AR: variants seen among roughly 807,000 people sequenced by gnomAD.
The protein encoded by AR is androgen receptor.
Under a neutral mutation model 53.9 loss-of-function variants are expected in AR, and 8 were observed. That is an observed-to-expected ratio of 0.15 (90% CI 0.09 to 0.27). The LOEUF is 0.27. Among genes scored for constraint, AR ranks in the 10% least tolerant of loss-of-function variants. AR has a pLI of 1.00. For synonymous variants in AR, 359 were observed against 316.4 expected (o/e 1.13, Z -1.43); for missense variants, 639 against 742.5 (o/e 0.86, Z 1.62).
chrX:67,574,784 A>C (rs1435778787), intron 1 of AR, among the ~76,000 whole-genome samples: 1 of 111,600 alleles, frequency 9.0e-6, no homozygotes, highest in Non-Finnish European at 1.9e-5. Context: ...CTTTTCATAG[A>C]GGTGTGGCAA....
intron 1 of AR, among the ~76,000 whole-genome samples, chrX:67,641,708 A>AT (rs1224467065): frequency 9.0e-6 from 1 of 111,125 alleles, no homozygotes; most frequent in Non-Finnish European, 1.9e-5. Flanking sequence ...AATCAGTAGA[A>AT]TTTTTTATTG....
intron 1 of AR, among the ~76,000 whole-genome samples, chrX:67,629,554 G>T (rs1251624928): frequency 2.7e-5 from 3 of 109,339 alleles, no homozygotes; most frequent in African/African-American, 1.0e-4. Flanking sequence ...CTTGCTAGCA[G>T]TCTATCAATT....
chrX:67,695,990 G>A (rs913431365), intron 3 of AR: 12 of 751,015 alleles, frequency 1.6e-5, no homozygotes, highest in Non-Finnish European at 1.9e-5. Flanking sequence ...AGGCTAATGA[G>A]GTTTATTTTT....
At chrX:67,680,717 C>G in intron 2 of AR, 1 of 330,685 alleles carries the variant, frequency 3.0e-6, no homozygotes, top group South Asian at 2.6e-5. Context: ...CTGTTCCAAA[C>G]AGGATTTTTC....
chrX:67,578,825 T>A (rs2147353295), intron 1 of AR, among the ~76,000 whole-genome samples: 1 of 112,162 alleles, frequency 8.9e-6, no homozygotes, highest in East Asian at 2.8e-4. Context: ...TTTGAACATT[T>A]ATATTCTGCT....
At chrX:67,589,823 C>T in intron 1 of AR, among the ~76,000 whole-genome samples, 1 of 111,703 alleles carries the variant, frequency 9.0e-6, no homozygotes, top group East Asian at 2.8e-4. Context: ...GGAGCCAAGC[C>T]TCAAGGGGAG....
chrX:67,656,935 C>A (rs1926620085), intron 2 of AR, among the ~76,000 whole-genome samples: 1 of 109,055 alleles, frequency 9.2e-6, no homozygotes, highest in African/African-American at 3.3e-5. Context: ...TGTGTGGAAA[C>A]AAAAATTAAA....
chrX:67,673,384 T>A (rs987029301), intron 2 of AR, among the ~76,000 whole-genome samples: 8 of 108,066 alleles, frequency 7.4e-5, no homozygotes, highest in African/African-American at 2.7e-4. Context: ...TCTCTCTCTC[T>A]CTCTCTCCTT....
In AR at chrX:67,589,677, G is replaced by A. The variant is rs1922733287; in HGVS notation, c.1616+42915G>A. Among the ~76,000 whole-genome samples the A allele has an allele frequency of 8.9e-5, 10 of 112,041 alleles. No individual in the cohort carries two copies. In the Admixed American group the frequency reaches 9.4e-4, roughly 11 times the overall value. On this transcript the variant is annotated intron_variant, in intron 1 of 7. Transcript: ENST00000374690. The stretch of plus-strand genomic sequence containing the variant: ...ATCACTGCCTGTGCTTTGTTAAAAA[G>A]AGAATTATAGGAGTCCTCTCAAGGC...
At chrX:67,719,127 C>A (rs1027014647) in intron 5 of AR, among the ~76,000 whole-genome samples, 1 of 111,515 alleles carries the variant, frequency 9.0e-6, no homozygotes, top group Non-Finnish European at 1.9e-5. Flanking sequence ...GGAGAGTGAG[C>A]GTCCCCAGCT....
intron 1 of AR, among the ~76,000 whole-genome samples, chrX:67,548,984 A>G (rs1437827754): frequency 8.9e-6 from 1 of 111,901 alleles, no homozygotes; most frequent in African/African-American, 3.2e-5. Flanking sequence ...AAGACTTTCC[A>G]TTTCTAGGAT....
intron 4 of AR, among the ~76,000 whole-genome samples, chrX:67,713,308 G>A (rs141542734): frequency 9.0e-6 from 1 of 110,790 alleles, no homozygotes; most frequent in Non-Finnish European, 1.9e-5. Flanking sequence ...TAAGAACACT[G>A]GGAAGGAAAC....
intron 1 of AR, among the ~76,000 whole-genome samples, chrX:67,618,264 T>C (rs1253767269): frequency 9.0e-6 from 1 of 111,177 alleles, no homozygotes; most frequent in Non-Finnish European, 1.9e-5. Flanking sequence ...AGAGATACTG[T>C]GATAGAATGG....
Position 67,544,861 on chromosome X carries a change from T to C in AR, c.-286T>C, listed in dbSNP as rs1196655426. 1 of 269,364 alleles carries C rather than the reference T, an allele frequency of 3.7e-6. No homozygotes were observed. Among genetic ancestry groups the C allele is most frequent in the Non-Finnish European group, 6.5e-6 (1 of 153,728 alleles). 22.2% of individuals were successfully genotyped at this position (269,364 alleles called of 1,213,427 possible). A position where few individuals can be genotyped will look rare whatever the true frequency, so the allele number is the denominator to read the frequency against. On this transcript the variant is annotated 5_prime_UTR_variant, in exon 1 of 8. Coordinates refer to ENST00000374690, the MANE Select transcript of AR (RefSeq NM_000044.6). Reference sequence around the variant, plus strand: ...GGTGGAGGATTTTGTTTTTTTCTTTTAAGATCTGGGCATCTTTTGAATCTA... The same window carrying C: ...GGTGGAGGATTTTGTTTTTTTCTTTCAAGATCTGGGCATCTTTTGAATCTA...
chrX:67,644,970 T>G (rs910392148), intron 2 of AR, among the ~76,000 whole-genome samples: 4 of 110,431 alleles, frequency 3.6e-5, no homozygotes, highest in African/African-American at 1.3e-4. Flanking sequence ...GAAATGAGGA[T>G]GGGTTCCAGA....
intron 1 of AR, among the ~76,000 whole-genome samples, chrX:67,628,522 T>A (rs1403224017): frequency 9.2e-6 from 1 of 108,634 alleles, no homozygotes; most frequent in Non-Finnish European, 1.9e-5. Flanking sequence ...CTTATCAGCT[T>A]AAGGAGATTT....
intron 1 of AR, among the ~76,000 whole-genome samples, chrX:67,631,640 C>T (rs993041124): frequency 2.7e-5 from 3 of 112,582 alleles, no homozygotes; most frequent in Non-Finnish European, 3.7e-5. Flanking sequence ...TCTCTCATCT[C>T]ATCAAAGTCA....
At chrX:67,609,663 C>G (rs992729084) in intron 1 of AR, among the ~76,000 whole-genome samples, 1 of 110,099 alleles carries the variant, frequency 9.1e-6, no homozygotes, top group Non-Finnish European at 1.9e-5. Flanking sequence ...GCACCTTTGC[C>G]CATTTATACT....
chrX:67,694,681 C>T (rs1002521113), intron 3 of AR: 22 of 1,152,242 alleles, frequency 1.9e-5, no homozygotes, highest in East Asian at 9.8e-5. Flanking sequence ...AGAAAAATTC[C>T]GGGTTGGCAA....
Sources: gnomAD v4.1 joint callset for allele counts (sites outside exome capture counted in the v4.1 genomes callset) on GRCh38, gnomAD v4.1.1 for gene constraint, MANE v1.5 for transcripts, NCBI Gene and HGNC (gene_info 2026-07-23, HGNC 2026-07-21) for gene names.